The following ROR1 variants were observed in gnomAD, a reference collection of about 807,000 sequenced individuals.
ROR1 encodes ROR family WNT receptor 1.
ROR1 carries 19 observed loss-of-function variants against 78.8 expected under a neutral mutation model. The observed-to-expected ratio is 0.24, with a 90% CI of 0.17 to 0.35. ROR1 has a LOEUF of 0.35. ROR1 is among the 10% of genes least tolerant of loss of function. The pLI, the probability that ROR1 is intolerant of heterozygous loss-of-function variation, is 1.00. For missense variants in ROR1, 917 were observed against 1,177.8 expected, an observed-to-expected ratio of 0.78 and a Z score of 3.24; for synonymous variants, 386 against 433.6, an observed-to-expected ratio of 0.89 and a Z score of 1.36.
At chr1:63,825,793 A>G (rs1175418660) in intron 1 of ROR1, among the ~76,000 whole-genome samples, 1 of 152,158 alleles carries the variant, frequency 6.6e-6, no homozygotes, top group Non-Finnish European at 1.5e-5. Context: ...TTCAGTGTTT[A>G]TTTCCTTTTA....
chr1:63,909,273 T>C (rs969962307), intron 1 of ROR1, among the ~76,000 whole-genome samples: 1 of 152,180 alleles, frequency 6.6e-6, no homozygotes, highest in African/African-American at 2.4e-5. Context: ...GAGCTGATGG[T>C]CATTACATTT....
In ROR1 at chr1:63,851,269, C is replaced by T. The variant is rs149990339; in HGVS notation, c.91+76761C>T. Among the ~76,000 whole-genome samples the T allele has an allele frequency of 1.0e-2, 1,522 of 152,276 alleles. 19 individuals carry two copies. The highest frequency in any genetic ancestry group is 0.035 in the African/African-American group (1,460 of 41,560). On this transcript the variant is annotated intron_variant, in intron 1 of 8. Coordinates refer to ENST00000371079, the MANE Select transcript of ROR1 (RefSeq NM_005012.4). The stretch of plus-strand genomic sequence containing the variant: ...CTGGGATTACAGGCGTGAGCCACTG[C>T]GCCCGGCCGCTTTTTGGGTTTTAAT...
At chr1:63,973,244 C>T (rs895438030) in intron 1 of ROR1, among the ~76,000 whole-genome samples, 4 of 152,170 alleles carry the variant, frequency 2.6e-5, no homozygotes, top group Admixed American at 1.3e-4. Flanking sequence ...AATTTAGCTC[C>T]TTGTCTTTAT....
intron 1 of ROR1, among the ~76,000 whole-genome samples, chr1:63,970,377 A>G (rs1183496472): frequency 1.3e-5 from 2 of 152,240 alleles, no homozygotes; most frequent in Non-Finnish European, 2.9e-5. Flanking sequence ...ATATTGATTA[A>G]AAGATAAATT....
At chr1:64,085,060 A>C (rs1647140503) in intron 4 of ROR1, among the ~76,000 whole-genome samples, 1 of 152,206 alleles carries the variant, frequency 6.6e-6, no homozygotes, top group Non-Finnish European at 1.5e-5. Context: ...TTAAGGAAAT[A>C]ATTTTCTTTT....
intron 1 of ROR1, among the ~76,000 whole-genome samples, chr1:63,872,299 T>C (rs573909978): frequency 1.1e-4 from 17 of 152,258 alleles, no homozygotes; most frequent in Admixed American, 3.9e-4. Context: ...ACTGTGAGAA[T>C]TGTCTCTTAA....
chr1:64,000,239 T>C (rs1469680264), intron 1 of ROR1, among the ~76,000 whole-genome samples: 1 of 152,104 alleles, frequency 6.6e-6, no homozygotes, highest in African/African-American at 2.4e-5. Flanking sequence ...GTTGATGTCA[T>C]TGGAAACCCG....
intron 1 of ROR1, among the ~76,000 whole-genome samples, chr1:63,971,745 G>A (rs1473485454): frequency 6.6e-6 from 1 of 152,188 alleles, no homozygotes; most frequent in Non-Finnish European, 1.5e-5. Context: ...TGGTCTGTCT[G>A]GCAGTGTGTG....
intron 1 of ROR1, among the ~76,000 whole-genome samples, chr1:63,865,743 T>C (rs899556994): frequency 2.6e-5 from 4 of 152,222 alleles, no homozygotes; most frequent in Non-Finnish European, 5.9e-5. Flanking sequence ...GCTTGGCACA[T>C]AGCGGGCACT....
chr1:63,992,303 G>A (rs1646302875), intron 1 of ROR1, among the ~76,000 whole-genome samples: 1 of 152,012 alleles, frequency 6.6e-6, no homozygotes, highest in South Asian at 2.1e-4. Flanking sequence ...CGACTCCCTG[G>A]TTCAAGCGAT....
intron 1 of ROR1, among the ~76,000 whole-genome samples, chr1:63,929,159 C>T (rs777951786): frequency 6.6e-6 from 1 of 152,170 alleles, no homozygotes; most frequent in Admixed American, 6.5e-5. Flanking sequence ...CTTCCCTTTT[C>T]TTGTTTAATA....
chr1:63,894,932 G>A (rs191410999), intron 1 of ROR1, among the ~76,000 whole-genome samples: 1 of 152,254 alleles, frequency 6.6e-6, no homozygotes, highest in East Asian at 1.9e-4. Context: ...TTTGACAGAG[G>A]TGTGGGAAAT....
At position 63,993,752 on chromosome 1, in the gene ROR1, AT is replaced by A. The variant is rs536642473; in HGVS notation, c.92-15550del. Among the ~76,000 whole-genome samples the A allele has an allele frequency of 2.7e-4, 41 of 152,228 alleles. No individual in the cohort carries two copies. In the South Asian group the frequency reaches 8.5e-3, roughly 32 times the overall value. On this transcript the variant is annotated intron_variant, in intron 1 of 8. Transcript: ENST00000371079. ...TCATTGTGAATTTTGGATAGCCATA[AT>A]TTATTTAGGTAGTCTGCTATTGCTG...
At chr1:64,059,463 C>A (rs1363044347) in intron 4 of ROR1, among the ~76,000 whole-genome samples, 1 of 152,116 alleles carries the variant, frequency 6.6e-6, no homozygotes, top group Non-Finnish European at 1.5e-5. Context: ...ATAATCCCAG[C>A]ACTTTGGGAA....
chr1:63,793,598 T>C (rs1341543694), intron 1 of ROR1, among the ~76,000 whole-genome samples: 1 of 152,224 alleles, frequency 6.6e-6, no homozygotes, highest in East Asian at 1.9e-4. Flanking sequence ...CAGTGGTGAA[T>C]GAGACAGGGA....
intron 4 of ROR1, among the ~76,000 whole-genome samples, chr1:64,123,017 A>C (rs1409908195): frequency 6.6e-6 from 1 of 152,128 alleles, no homozygotes; most frequent in Non-Finnish European, 1.5e-5. Flanking sequence ...TGATAGCTAC[A>C]TTCCCTCACT....
chr1:64,018,157 C>T (rs1049051312), intron 2 of ROR1, among the ~76,000 whole-genome samples: 3 of 152,114 alleles, frequency 2.0e-5, no homozygotes, highest in Non-Finnish European at 4.4e-5. Context: ...TCTTTCCTAG[C>T]CCTGGGCCCA....
chr1:63,900,002 A>G (rs1466566945), intron 1 of ROR1, among the ~76,000 whole-genome samples: 1 of 151,846 alleles, frequency 6.6e-6, no homozygotes, highest in Non-Finnish European at 1.5e-5. Flanking sequence ...TCTAGATTCC[A>G]GTTACTATGG....
chr1:63,853,173 A>G (rs763189951), intron 1 of ROR1, among the ~76,000 whole-genome samples: 5 of 152,198 alleles, frequency 3.3e-5, no homozygotes, highest in Non-Finnish European at 7.4e-5. Context: ...TCCCAGCATC[A>G]TAGTCACCAA....
Sources: allele counts gnomAD v4.1 joint callset (sites outside exome capture counted in the v4.1 genomes callset), GRCh38; gene constraint gnomAD v4.1.1; transcripts MANE v1.5; gene names NCBI Gene and HGNC (gene_info 2026-07-23, HGNC 2026-07-21).